The following EOGT variants were observed in gnomAD, a reference collection of about 807,000 sequenced individuals.
The protein encoded by EOGT is EGF domain-specific O-linked N-acetylglucosamine transferase.
Under a neutral mutation model 70.5 loss-of-function variants are expected in EOGT, and 55 were observed. The ratio of observed to expected loss-of-function variants is 0.78; its 90% CI spans 0.63 to 0.98. EOGT has a LOEUF of 0.98. Among genes scored for constraint, EOGT ranks in the 50% least tolerant of loss-of-function variants. The pLI is 0.00. For synonymous variants in EOGT, 246 were observed against 217.1 expected (o/e 1.13, Z -1.17); for missense variants, 703 against 641.9 (o/e 1.10, Z -1.03).
At chr3:68,988,410 A>C in intron 12 of EOGT, 29 bp from the exon 13 acceptor site, 1 of 1,503,826 alleles carries the variant, frequency 6.6e-7, no homozygotes, top group Non-Finnish European at 8.9e-7. Context: ...TTCATATTAC[A>C]ATGAATACTT....
rs776725920 is a variant in EOGT, at chr3:69,004,369, A to G, written c.620+9T>C. ...TATTTCCGAAACAGATACGTTAAAA[A>G]TATCTTACCATGACTGCAGAGGGCT... On this transcript the variant is annotated intron_variant, in intron 8 of 17. Transcript: ENST00000383701. The G allele has an allele frequency of 1.9e-6, 3 of 1,603,922 alleles. No homozygotes were observed. Among genetic ancestry groups the G allele is most frequent in the South Asian group, 2.2e-5 (2 of 90,036 alleles).
Position 68,988,551 on chromosome 3 carries a change from T to C in EOGT, c.951A>G (p.Ser317=), listed in dbSNP as rs1419281496. The change falls in exon 12 of 18, where the codon TCA becomes TCG. Residue 317 remains serine, a synonymous_variant. Coordinates refer to ENST00000383701, the MANE Select transcript of EOGT (RefSeq NM_001278689.2). ...KRVCFKEAVF[S]LLPRMRYGLF... ...GCCCATACCTCATGCGGGGGAGTAA[T>C]GAAAAAACAGCTTCTTTAAAACATA... is the stretch of plus-strand genomic sequence containing the variant. The C allele has an allele frequency of 6.5e-7, 1 of 1,532,030 alleles. No individual in the cohort carries two copies. Among genetic ancestry groups the C allele is most frequent in the Non-Finnish European group, 8.7e-7 (1 of 1,145,244 alleles). The allele number at this position is 1,532,030 out of a possible 1,614,324, so 94.9% of individuals were successfully genotyped here.
chr3:68,982,537 CA>C (rs1192023703), intron 15 of EOGT, among the ~76,000 whole-genome samples: 1 of 152,076 alleles, frequency 6.6e-6, no homozygotes, highest in Non-Finnish European at 1.5e-5. Context: ...AACAAACAAA[CA>C]AACAAAAAAT....
At chr3:68,985,818 T>A (rs145970531) in intron 14 of EOGT, among the ~76,000 whole-genome samples, 60 of 152,338 alleles carry the variant, frequency 3.9e-4, no homozygotes, top group African/African-American at 1.3e-3. Context: ...TTTAGCAGCT[T>A]AACACAACAC....
chr3:68,990,605 C>A (rs1027007146), intron 10 of EOGT, among the ~76,000 whole-genome samples: 1 of 152,086 alleles, frequency 6.6e-6, no homozygotes, highest in African/African-American at 2.4e-5. Context: ...CCGCCTACCA[C>A]GGCCTCCTAA....
In EOGT at chr3:68,988,278, C is replaced by T. The variant is rs1183363005; in HGVS notation, c.1083+17G>A. The stretch of plus-strand genomic sequence containing the variant: ...GAAAACTCAAGCCCACCTCAGAATC[C>T]GCAGTGTATCCATTACCTTAGGTCC... On this transcript the variant is annotated intron_variant, in intron 13 of 17. Coordinates refer to ENST00000383701, the MANE Select transcript of EOGT (RefSeq NM_001278689.2). 2.2e-5 allele frequency: 33 copies of T among 1,508,878 alleles called. No individual in the cohort carries two copies. The East Asian group carries it at 2.2e-4, about 10-fold the overall frequency. 93.5% of individuals were successfully genotyped at this position (1,508,878 alleles called of 1,614,324 possible).
chr3:68,996,317 T>A (rs141743075), intron 10 of EOGT, among the ~76,000 whole-genome samples: 3 of 152,254 alleles, frequency 2.0e-5, no homozygotes, highest in African/African-American at 4.8e-5. Flanking sequence ...CTCTTATCAG[T>A]GAAATTAAGG....
intron 2 of EOGT, 92 bp from the exon 3 acceptor site, chr3:69,012,083 G>T (rs533275176): frequency 6.6e-6 from 1 of 152,240 alleles, no homozygotes; most frequent in Admixed American, 6.5e-5. Flanking sequence ...TATTAAGAAA[G>T]AAAATAATGT....
chr3:69,007,050 G>C (rs547606642), intron 6 of EOGT, among the ~76,000 whole-genome samples: 1 of 152,298 alleles, frequency 6.6e-6, no homozygotes, highest in East Asian at 1.9e-4. Context: ...TATATCATCT[G>C]TCCCAAACTA....
chr3:69,005,684 T>C (rs1182281150), intron 6 of EOGT, among the ~76,000 whole-genome samples: 1 of 152,180 alleles, frequency 6.6e-6, no homozygotes, highest in East Asian at 1.9e-4. Context: ...TAAGAGGTGC[T>C]TTCTGCAAAC....
At chr3:69,005,377 T>C (rs2091415004) in intron 6 of EOGT, 143 bp from the exon 7 acceptor site, 1 of 545,682 alleles carries the variant, frequency 1.8e-6, no homozygotes, top group Non-Finnish European at 3.2e-6. Context: ...AAAGACTGCA[T>C]CTGCTGAAGG....
intron 1 of EOGT, among the ~76,000 whole-genome samples, 190 bp downstream of exon 1, chr3:69,013,384 G>C (rs1174536062): frequency 6.6e-6 from 1 of 151,958 alleles, no homozygotes; most frequent in Non-Finnish European, 1.5e-5. Context: ...GGGAGGGCCA[G>C]GATCGGCTTC....
chr3:68,982,992 T>TAAC, intron 14 of EOGT, 120 bp from the exon 15 acceptor site: 1 of 571,402 alleles, frequency 1.8e-6, no homozygotes, highest in South Asian at 2.3e-5. Flanking sequence ...TATCATTTGG[T>TAAC]AACAACAACA....
At chr3:69,001,528 C>G (rs2091292382) in intron 9 of EOGT, 80 bp downstream of exon 9, 2 of 932,766 alleles carry the variant, frequency 2.1e-6, no homozygotes, top group Non-Finnish European at 3.2e-6. Flanking sequence ...CCAAAAAATT[C>G]AGAGAGAATT....
intron 11 of EOGT, 136 bp downstream of exon 11, chr3:68,988,789 C>G: frequency 1.6e-6 from 1 of 639,790 alleles, no homozygotes; most frequent in Non-Finnish European, 2.6e-6. Context: ...ACTGAGGATT[C>G]TAATTATAAA....
chr3:68,977,828 G>A, intron 17 of EOGT, 64 bp from the exon 18 acceptor site: 1 of 1,505,316 alleles, frequency 6.6e-7, no homozygotes, highest in Non-Finnish European at 8.9e-7. Flanking sequence ...TCTACAGCAG[G>A]AAAATTATGT....
At chr3:68,999,534 C>T (rs982116965) in intron 9 of EOGT, among the ~76,000 whole-genome samples, 1 of 152,114 alleles carries the variant, frequency 6.6e-6, no homozygotes, top group African/African-American at 2.4e-5. Flanking sequence ...TTCATTCCCA[C>T]AGTGAATAAT....
chr3:68,987,803 A>G (rs531448590), intron 13 of EOGT: 2 of 460,306 alleles, frequency 4.3e-6, no homozygotes, highest in South Asian at 3.1e-5. Context: ...TGAGGGAGAT[A>G]TAACCAATGA....
chr3:68,977,199 GGCTGCAATCCCAGC>G lies in EOGT; in HGVS notation c.*405_*418del. On this transcript the variant is annotated 3_prime_UTR_variant, in exon 18 of 18. Coordinates refer to ENST00000383701, the MANE Select transcript of EOGT (RefSeq NM_001278689.2). ...AAATTTAGCCAGGTGTGGTGGTGCA[GGCTGCAATCCCAGC>G]TAGTCAGGTGGCTGAGGCAAAAGAA... is the stretch of plus-strand genomic sequence containing the variant. 6.0e-6 allele frequency: 1 copy of G among 167,698 alleles called. No individual in the cohort carries two copies. The highest frequency in any genetic ancestry group is 1.3e-5 in the Non-Finnish European group (1 of 79,306). The allele number at this position is 167,698 out of a possible 1,614,324, so 10.4% of individuals were successfully genotyped here.
Sources: gnomAD v4.1 joint callset for allele counts (sites outside exome capture counted in the v4.1 genomes callset) on GRCh38, gnomAD v4.1.1 for gene constraint, MANE v1.5 for transcripts, NCBI Gene and HGNC (gene_info 2026-07-23, HGNC 2026-07-21) for gene names.